Variants in BOP1 observed in about 807,000 individuals in gnomAD.
BOP1 encodes BOP1 ribosomal biogenesis factor, also known as ribosome biogenesis protein BOP1.
Under a neutral mutation model 82.9 loss-of-function variants are expected in BOP1, and 54 were observed. That is an observed-to-expected ratio of 0.65 (90% confidence interval 0.52 to 0.82). The LOEUF is 0.82. Ranked by LOEUF, BOP1 falls within the 40% of genes least tolerant of loss-of-function variation. The pLI, the probability that BOP1 is intolerant of heterozygous loss-of-function variation, is 0.00. For synonymous variants in BOP1, 566 were observed against 451.1 expected (o/e 1.25, Z -3.23); for missense variants, 1,170 against 1,072.0 (o/e 1.09, Z -1.28).
At chr8:144,274,816 G>A (rs985274079) in intron 3 of BOP1, among the ~76,000 whole-genome samples, 2 of 152,228 alleles carry the variant, frequency 1.3e-5, no homozygotes, top group African/African-American at 4.8e-5. Context: ...CCCCTCCCCC[G>A]GCCTCCGCGC....
intron 3 of BOP1, among the ~76,000 whole-genome samples, chr8:144,273,117 C>T (rs1417879206): frequency 2.0e-5 from 3 of 152,142 alleles, no homozygotes; most frequent in African/African-American, 7.2e-5. Context: ...GAGCCGAGGC[C>T]GCGCCGCCAG....
chr8:144,262,897 A>G lies in BOP1; in HGVS notation c.1850T>C (p.Met617Thr). 1 of 1,499,298 alleles carries G rather than the reference A, an allele frequency of 6.7e-7. No homozygotes were observed. The highest frequency in any genetic ancestry group is 2.4e-4 in the Middle Eastern group (1 of 4,182). 92.9% of individuals were successfully genotyped at this position (1,499,298 alleles called of 1,614,324 possible). The change falls in exon 13 of 16, where the codon ATG (methionine) becomes ACG (threonine). Residue 617 changes from methionine (M) to threonine (T), a missense_variant. Transcript: ENST00000569669. ...GCTGGACACCCACTTGCAGTTGGGCATCAGCTTCTTGGTGAGCTCCTGGCG... is the reference window on the plus strand; with the variant it reads ...GCTGGACACCCACTTGCAGTTGGGCGTCAGCTTCTTGGTGAGCTCCTGGCG... ...LLRQELTKKL[M>T]PNCKWVSSLA...
Position 144,273,376 on chromosome 8 carries a change from G to GACT in BOP1, c.390+2847_390+2848insAGT, listed in dbSNP as rs111355216. On this transcript the variant is annotated intron_variant, in intron 3 of 15. Coordinates refer to ENST00000569669, the MANE Select transcript of BOP1 (RefSeq NM_015201.5). ...CGAGGAGCTGCCAGGCTGCACCCCAGCCCCAGACTCCAGACTCCAGTGGAG... is the reference window on the plus strand; with the variant it reads ...CGAGGAGCTGCCAGGCTGCACCCCAGACTCCCCAGACTCCAGACTCCAGTGGAG... 2.0e-3 allele frequency among the ~76,000 whole-genome samples: 298 copies of GACT among 150,058 alleles called. 2 individuals carry two copies. The highest frequency in any genetic ancestry group is 7.0e-3 in the African/African-American group (276 of 39,650).
chr8:144,271,056 G>A (rs1029336483), intron 3 of BOP1, among the ~76,000 whole-genome samples: 6 of 147,970 alleles, frequency 4.1e-5, no homozygotes, highest in South Asian at 4.3e-4. Context: ...TGACCCCTCC[G>A]GGTCAGGCCC....
Position 144,264,947 on chromosome 8 carries a change from A to C in BOP1, c.515T>G (p.Phe172Cys). 1.2e-6 allele frequency: 2 copies of C among 1,611,014 alleles called. No homozygotes were observed. Among genetic ancestry groups the C allele is most frequent in the Non-Finnish European group, 8.5e-7 (1 of 1,179,452 alleles). Residue 172 changes from phenylalanine (F) to cysteine (C), a missense_variant, in exon 4 of 16, where the codon TTC (phenylalanine) becomes TGC (cysteine). Physicochemically the swap from Phe to Cys is radical, Grantham distance 205. Transcript: ENST00000569669. ...PLRTRDELDQ[F>C]LDKMDDPDYW... ...GTCAGGATCGTCCATCTTGTCCAGG[A>C]ACTGGTCCAGCTCATCCCGGGTCCG...
chr8:144,263,644 C>A, intron 10 of BOP1, 34 bp from the exon 11 acceptor site: 1 of 1,605,808 alleles, frequency 6.2e-7, no homozygotes, highest in South Asian at 1.1e-5. Context: ...CAACACCTGG[C>A]CATCCCACCT....
chr8:144,277,452 G>GC (rs1439440420), intron 2 of BOP1, among the ~76,000 whole-genome samples: 3 of 152,352 alleles, frequency 2.0e-5, no homozygotes, highest in Non-Finnish European at 2.9e-5. Context: ...GCGGTCGGCT[G>GC]CCCCCGCCTG....
In BOP1 at chr8:144,276,299, G is replaced by C; in HGVS notation, c.315C>G (p.Ser105Arg). The C allele has an allele frequency of 6.2e-7, 1 of 1,613,244 alleles. No homozygotes were observed. Among genetic ancestry groups the C allele is most frequent in the Non-Finnish European group, 8.5e-7 (1 of 1,179,816 alleles). The change falls in exon 3 of 16, where the codon AGC becomes AGG. Residue 105 changes from serine to arginine, a missense_variant. Coordinates refer to ENST00000569669, the MANE Select transcript of BOP1 (RefSeq NM_015201.5). ...KKTTEEQVQASTPCPRTEMAS... is the reference protein window; with the variant it reads ...KKTTEEQVQARTPCPRTEMAS... The stretch of plus-strand genomic sequence containing the variant: ...CCATCTCTGTCCTCGGGCAAGGAGT[G>C]CTGGCCTGCAGAGAGAGAGAGAAAA...
At chr8:144,270,312 T>A (rs1554837635) in intron 3 of BOP1, among the ~76,000 whole-genome samples, 1 of 151,954 alleles carries the variant, frequency 6.6e-6, no homozygotes, top group Non-Finnish European at 1.5e-5. Flanking sequence ...GAAAGAGACG[T>A]CAGAGCCCCC....
chr8:144,264,419 C>A lies in BOP1; in HGVS notation c.784G>T (p.Ala262Ser). 1.2e-6 allele frequency: 2 copies of A among 1,602,742 alleles called. No homozygotes were observed. Among genetic ancestry groups the A allele is most frequent in the Non-Finnish European group, 8.5e-7 (1 of 1,179,674 alleles). ...GGCTGGATCCAGCCCATCTTGATGGCGTGCACCATGCGAGAGACCTGCATA... is the reference window on the plus strand; with the variant it reads ...GGCTGGATCCAGCCCATCTTGATGGAGTGCACCATGCGAGAGACCTGCATA... ...EKEKVSRMVH[A>S]IKMGWIQPRR... is the part of the protein sequence containing the mutation. Residue 262 changes from alanine to serine, a missense_variant, in exon 7 of 16, where the codon GCC becomes TCC. Ala to Ser is a moderately conservative substitution (Grantham distance 99). Coordinates refer to ENST00000569669, the MANE Select transcript of BOP1 (RefSeq NM_015201.5).
chr8:144,266,299 G>C (rs1049650736), intron 3 of BOP1, among the ~76,000 whole-genome samples: 2 of 151,782 alleles, frequency 1.3e-5, no homozygotes, highest in Non-Finnish European at 2.9e-5. Flanking sequence ...CCAAAGACCA[G>C]CCCCGCCCCC....
At chr8:144,281,790 G>A (rs1281398123) in intron 2 of BOP1, 3 of 152,050 alleles carry the variant, frequency 2.0e-5, no homozygotes, top group Non-Finnish European at 4.4e-5. Flanking sequence ...TCACCATGTT[G>A]GCCGGGCTGG....
intron 3 of BOP1, among the ~76,000 whole-genome samples, chr8:144,269,878 A>T (rs1359336158): frequency 6.6e-6 from 1 of 152,162 alleles, no homozygotes; most frequent in Non-Finnish European, 1.5e-5. Flanking sequence ...GGGTGGACCC[A>T]GGAGCATGGC....
At position 144,262,324 on chromosome 8, in the gene BOP1, G is replaced by A; in HGVS notation, c.2088-7C>T. Reference sequence around the variant, plus strand: ...GGGGTTCTGCAGAAGGTCACTGTGGGGACGAGGAGGGCTCAGGGCACGGCC... The same window carrying A: ...GGGGTTCTGCAGAAGGTCACTGTGGAGACGAGGAGGGCTCAGGGCACGGCC... On this transcript the variant is annotated splice_region_variant and splice_polypyrimidine_tract_variant and intron_variant, in intron 15 of 15. Transcript: ENST00000569669. 5 of 1,612,808 alleles carry A rather than the reference G, an allele frequency of 3.1e-6. No homozygotes were observed. The highest frequency in any genetic ancestry group is 1.1e-5 in the South Asian group (1 of 91,052).
At chr8:144,270,778 G>A (rs1358582221) in intron 3 of BOP1, among the ~76,000 whole-genome samples, 2 of 152,082 alleles carry the variant, frequency 1.3e-5, no homozygotes, top group Non-Finnish European at 2.9e-5. Context: ...CCAGAGTGCT[G>A]GCCTCACCTC....
In BOP1 at chr8:144,262,188, G is replaced by A. The variant is rs1194651190; in HGVS notation, c.2217C>T (p.Asp739=). The change falls in exon 16 of 16, where the codon GAC becomes GAT. Residue 739 remains aspartate, a synonymous_variant. Coordinates refer to ENST00000569669, the MANE Select transcript of BOP1 (RefSeq NM_015201.5). The part of the protein sequence containing the change: ...TQPWVFSSGA[D]GTVRLFT ...GCTAGGTGAAGAGGCGGACAGTCCC[G>A]TCTGCCCCCGAGGAGAAGACCCACG... 55 of 1,612,410 alleles carry A rather than the reference G, an allele frequency of 3.4e-5. No homozygotes were observed. The highest frequency in any genetic ancestry group is 4.4e-5 in the Non-Finnish European group (52 of 1,179,814).
At position 144,262,177 on chromosome 8, in the gene BOP1, C is replaced by T. The variant is rs1845200640; in HGVS notation, c.2228G>A (p.Arg743His). 1.9e-5 allele frequency: 30 copies of T among 1,612,330 alleles called. No homozygotes were observed. Among genetic ancestry groups the T allele is most frequent in the South Asian group, 2.2e-5 (2 of 91,050 alleles). ...VFSSGADGTVRLFT is the reference protein window; with the variant it reads ...VFSSGADGTVHLFT ...CAGGCAGAACAGCTAGGTGAAGAGG[C>T]GGACAGTCCCGTCTGCCCCCGAGGA... The change falls in exon 16 of 16, where the codon CGC becomes CAC. Residue 743 changes from arginine (R) to histidine (H), a missense_variant. Physicochemically the swap from Arg to His is conservative, Grantham distance 29. Coordinates refer to ENST00000569669, the MANE Select transcript of BOP1 (RefSeq NM_015201.5).
chr8:144,269,121 G>C (rs1343299370), intron 3 of BOP1, among the ~76,000 whole-genome samples: 3 of 152,212 alleles, frequency 2.0e-5, no homozygotes, highest in Non-Finnish European at 4.4e-5. Flanking sequence ...CCAGCCCCCT[G>C]AAGACCCCGC....
chr8:144,273,847 G>A (rs1437116799), intron 3 of BOP1, among the ~76,000 whole-genome samples: 1 of 151,768 alleles, frequency 6.6e-6, no homozygotes, highest in African/African-American at 2.4e-5. Context: ...CCTCCTCCAG[G>A]GGCTCCGCCC....
Sources: allele counts gnomAD v4.1 joint callset (sites outside exome capture counted in the v4.1 genomes callset), GRCh38; gene constraint gnomAD v4.1.1; transcripts MANE v1.5; gene names NCBI Gene and HGNC (gene_info 2026-07-23, HGNC 2026-07-21).